The following STMN4 variants were observed in gnomAD, a reference collection of about 807,000 sequenced individuals.
STMN4 encodes the protein stathmin-4.
STMN4 carries 12 observed loss-of-function variants against 29.1 expected under a neutral mutation model. The ratio of observed to expected loss-of-function variants is 0.41; its 90% CI spans 0.26 to 0.67. The LOEUF is 0.67. STMN4 is among the 30% of genes least tolerant of loss of function. STMN4 has a pLI of 0.30. For missense variants in STMN4, 181 were observed against 262.8 expected (o/e 0.69, Z 2.15); for synonymous variants, 114 against 105.3 (o/e 1.08, Z -0.51).
intron 1 of STMN4, among the ~76,000 whole-genome samples, chr8:27,254,047 T>C (rs1801868566): frequency 6.6e-6 from 1 of 152,166 alleles, no homozygotes; most frequent in Non-Finnish European, 1.5e-5. Context: ...CCTCCCAAAG[T>C]GTTGGGATTA....
intron 1 of STMN4, among the ~76,000 whole-genome samples, chr8:27,247,736 T>C (rs1801666448): frequency 6.6e-6 from 1 of 152,134 alleles, no homozygotes; most frequent in African/African-American, 2.4e-5. Context: ...TGCCAGGGAT[T>C]CAGGTGGCAT....
chr8:27,243,847 G>A (rs1425708081), intron 1 of STMN4, 46 bp from the exon 2 acceptor site: 2 of 1,555,966 alleles, frequency 1.3e-6, no homozygotes, highest in Non-Finnish European at 1.8e-6. Context: ...GGATTAGACA[G>A]GTTATTCTCA....
chr8:27,241,793 T>G, intron 3 of STMN4, 36 bp from the exon 4 acceptor site: 7 of 1,612,168 alleles, frequency 4.3e-6, no homozygotes, highest in Non-Finnish European at 5.9e-6. Flanking sequence ...CATCCGAGCA[T>G]GCCTGTTCCT....
chr8:27,244,643 C>T lies in STMN4; in HGVS notation c.-78-842G>A, dbSNP rs12549428. Among the ~76,000 whole-genome samples the T allele has an allele frequency of 0.018, 2,769 of 151,878 alleles. 181 individuals carry two copies. The East Asian group carries it at 0.21, about 12-fold the overall frequency. On this transcript the variant is annotated intron_variant, in intron 1 of 6. Coordinates refer to ENST00000350889, the MANE Select transcript of STMN4 (RefSeq NM_030795.4). ...AATCAGACAGGAGCTGGCAGGAGGGCATTGTGCAAGGGAACATCACGGCCA... is the reference window on the plus strand; with the variant it reads ...AATCAGACAGGAGCTGGCAGGAGGGTATTGTGCAAGGGAACATCACGGCCA...
In STMN4 at chr8:27,244,706, T is replaced by C. The variant is rs118118342; in HGVS notation, c.-78-905A>G. Among the ~76,000 whole-genome samples, 64 of 151,654 alleles carry C rather than the reference T, an allele frequency of 4.2e-4. No individual in the cohort carries two copies. The East Asian group carries it at 0.012, about 28-fold the overall frequency. ...AGAACGCCACTCAGTGTCCGTGGGA[T>C]CAGGTCAAGCTAGTTGACGCTAGAT... On this transcript the variant is annotated intron_variant, in intron 1 of 6. Transcript: ENST00000350889.
intron 1 of STMN4, among the ~76,000 whole-genome samples, chr8:27,253,427 T>G (rs1312110648): frequency 7.9e-5 from 12 of 152,248 alleles, no homozygotes; most frequent in Admixed American, 7.8e-4. Flanking sequence ...CAAACCTCTC[T>G]GTACAAACCT....
rs779977912 is a variant in STMN4, at chr8:27,241,132, G to T, written c.321C>A (p.Asn107Lys). The change falls in exon 5 of 7, where the codon AAC (asparagine) becomes AAA (lysine). Residue 107 changes from asparagine to lysine, a missense_variant. By Grantham distance (94) the Asn-to-Lys change is moderately conservative (BLOSUM62 0). Coordinates refer to ENST00000350889, the MANE Select transcript of STMN4 (RefSeq NM_030795.4). ...PPSFDGVPEFNASLPRRRDPS... is the reference protein window; with the variant it reads ...PPSFDGVPEFKASLPRRRDPS... ...GGTCTCGCCGCCTTGGCAGGGAGGC[G>T]TTGAACTCGGGAACCCCATCAAAGG... is the stretch of plus-strand genomic sequence containing the variant. 3.1e-6 allele frequency: 5 copies of T among 1,614,202 alleles called. No individual in the cohort carries two copies. In the South Asian group the frequency reaches 5.5e-5, roughly 18 times the overall value.
At chr8:27,253,338 T>C (rs1196186619) in intron 1 of STMN4, among the ~76,000 whole-genome samples, 1 of 152,264 alleles carries the variant, frequency 6.6e-6, no homozygotes, top group Non-Finnish European at 1.5e-5. Context: ...CTTTTATGTC[T>C]ATATTTCACT....
At chr8:27,238,225 C>G (rs2130041793) in intron 6 of STMN4, among the ~76,000 whole-genome samples, 1 of 152,258 alleles carries the variant, frequency 6.6e-6, no homozygotes, top group South Asian at 2.1e-4. Context: ...TAATTTTATA[C>G]CAAGTGAGTC....
intron 6 of STMN4, among the ~76,000 whole-genome samples, chr8:27,237,623 T>C (rs1232617994): frequency 1.3e-5 from 2 of 152,328 alleles, no homozygotes; most frequent in East Asian, 3.9e-4. Flanking sequence ...AAGTGGACTT[T>C]CTTACACCTA....
At position 27,240,031 on chromosome 8, in the gene STMN4, T is replaced by C. The variant is rs189952975; in HGVS notation, c.531A>G (p.Glu177=). Residue 177 remains glutamate, a synonymous_variant, in exon 6 of 7, where the codon GAA becomes GAG. Coordinates refer to ENST00000350889, the MANE Select transcript of STMN4 (RefSeq NM_030795.4). ...MAKEKLAQKM[E]SNKENREAHL... ...GGGCCTCCCTGTTCTCCTTGTTGGA[T>C]TCCATCTTCTGGGCCAGTTTTTCCT... 3.7e-6 allele frequency: 6 copies of C among 1,614,208 alleles called. No homozygotes were observed. The Admixed American group carries it at 1.0e-4, about 27-fold the overall frequency.
At chr8:27,237,066 AGGCTGGCAGGAGGCAGGG>A (rs1349101524) in intron 6 of STMN4, among the ~76,000 whole-genome samples, 161 bp from the exon 7 acceptor site, 1 of 152,146 alleles carries the variant, frequency 6.6e-6, no homozygotes, top group African/African-American at 2.4e-5. Context: ...GTGGCAGGTG[AGGCTGGCAGGAGGCAGGG>A]GGCAAGCCTA....
rs117796925 is a variant in STMN4 at position 27,236,640 on chromosome 8, C to G, written c.*206G>C. ...CTCTCTCCTCTCCCCTCTCCCACCC[C>G]GTCATTGTTCCCCGGAAACAAATAG... On this transcript the variant is annotated 3_prime_UTR_variant, in exon 7 of 7. Coordinates refer to ENST00000350889, the MANE Select transcript of STMN4 (RefSeq NM_030795.4). 12,857 of 452,394 alleles carry G rather than the reference C, an allele frequency of 0.028. 255 individuals are homozygous for G. The highest frequency in any genetic ancestry group is 0.053 in the Middle Eastern group (94 of 1,778). The allele number at this position is 452,394 out of a possible 1,614,324, so 28.0% of individuals were successfully genotyped here.
At chr8:27,244,044 C>T (rs1217380788) in intron 1 of STMN4, among the ~76,000 whole-genome samples, 1 of 152,154 alleles carries the variant, frequency 6.6e-6, no homozygotes, top group Non-Finnish European at 1.5e-5. Flanking sequence ...GTCTCAAGCC[C>T]CCTAGCACAT....
At chr8:27,237,822 C>A (rs1801352717) in intron 6 of STMN4, among the ~76,000 whole-genome samples, 1 of 152,186 alleles carries the variant, frequency 6.6e-6, no homozygotes, top group Admixed American at 6.5e-5. Flanking sequence ...TTAGTGTTCA[C>A]CTGCTCACTG....
intron 1 of STMN4, among the ~76,000 whole-genome samples, chr8:27,255,728 C>A (rs190423646): frequency 4.0e-5 from 6 of 151,768 alleles, no homozygotes; most frequent in African/African-American, 1.4e-4. Flanking sequence ...CCCACATCCC[C>A]CTACAGGAAA....
At chr8:27,251,286 GTA>G (rs149443281) in intron 1 of STMN4, among the ~76,000 whole-genome samples, 4 of 139,622 alleles carry the variant, frequency 2.9e-5, no homozygotes, top group Non-Finnish European at 4.7e-5. Flanking sequence ...ACGTATATAC[GTA>G]TATATATATA....
At chr8:27,241,590 C>T (rs1801473455) in intron 4 of STMN4, 87 bp downstream of exon 4, 6 of 1,483,980 alleles carry the variant, frequency 4.0e-6, no homozygotes, top group Non-Finnish European at 4.7e-6. Context: ...TGGTGACAGG[C>T]AGGGGTGCGT....
chr8:27,241,317 G>A, intron 4 of STMN4, 55 bp from the exon 5 acceptor site: 4 of 1,606,938 alleles, frequency 2.5e-6, no homozygotes, highest in Admixed American at 1.7e-5. Context: ...CAGGCACCCA[G>A]CAAGCATGCG....
Sources: gnomAD v4.1 joint callset for allele counts (sites outside exome capture counted in the v4.1 genomes callset) on GRCh38, gnomAD v4.1.1 for gene constraint, MANE v1.5 for transcripts, NCBI Gene and HGNC (gene_info 2026-07-23, HGNC 2026-07-21) for gene names.